SYTL2: variants seen among roughly 807,000 people sequenced by gnomAD.
SYTL2 encodes the protein synaptotagmin like 2.
A neutral mutation model predicts 198.7 loss-of-function variants in SYTL2; 165 were observed. The observed-to-expected ratio is 0.83, with a 90% confidence interval of 0.73 to 0.94. SYTL2 has a LOEUF of 0.94. SYTL2 is among the 40% of genes least tolerant of loss of function. SYTL2 has a pLI of 0.00. For missense variants in SYTL2, 2,835 were observed against 2,582.8 expected, an observed-to-expected ratio of 1.10 and a Z score of -2.12; for synonymous variants, 966 against 917.7, an observed-to-expected ratio of 1.05 and a Z score of -0.95.
chr11:85,731,353 C>T (rs990860341), intron 7 of SYTL2, among the ~76,000 whole-genome samples: 1 of 152,158 alleles, frequency 6.6e-6, no homozygotes, highest in Non-Finnish European at 1.5e-5. Context: ...GCTACCATAA[C>T]CAAAACTGCA....
intron 6 of SYTL2, 47 bp from the exon 7 acceptor site, chr11:85,734,789 T>A: frequency 7.3e-7 from 1 of 1,365,544 alleles, no homozygotes; most frequent in Non-Finnish European, 1.0e-6. Flanking sequence ...GAGAGTAATA[T>A]ATAATTTAAA....
At chr11:85,781,795 TAGGTCATGCTG>T (rs1476469423) in intron 1 of SYTL2, among the ~76,000 whole-genome samples, 1 of 152,178 alleles carries the variant, frequency 6.6e-6, no homozygotes, top group East Asian at 1.9e-4. Flanking sequence ...GTCTCATATC[TAGGTCATGCTG>T]ATGCAAAAGG....
chr11:85,833,645 A>T, the SYTL2 span, among the ~76,000 whole-genome samples: 1 of 151,542 alleles, frequency 6.6e-6, no homozygotes, highest in South Asian at 2.1e-4. Context: ...ATATCCTTCA[A>T]AGTGGTTCTG....
chr11:85,810,334 T>C (rs563642254), intron 1 of SYTL2, among the ~76,000 whole-genome samples: 6 of 152,134 alleles, frequency 3.9e-5, no homozygotes, highest in African/African-American at 1.4e-4. Flanking sequence ...GCAGGATGGG[T>C]GCAGAGAAAG....
In SYTL2 at chr11:85,727,078, G is replaced by T. The variant is rs1402577255; in HGVS notation, c.2280C>A (p.Asn760Lys). ...CAGGCTTCTTCCAAGGAGAGCCATT[G>T]TTGGCAACCCCAGGTGTTGACTTAA... ...ENIKSTPGVANNGSPWKKPEV... is the reference protein window; with the variant it reads ...ENIKSTPGVAKNGSPWKKPEV... Residue 760 changes from asparagine to lysine, a missense_variant, in exon 8 of 20, where the codon AAC becomes AAA. By Grantham distance (94) the Asn-to-Lys change is moderately conservative (BLOSUM62 0). This residue lies in a region of SYTL2 where 2,645 missense variants were observed against 2,381.7 expected (regional missense o/e 1.11). Transcript: ENST00000359152. The T allele has an allele frequency of 6.5e-7, 1 of 1,536,054 alleles. No individual in the cohort carries two copies. The highest frequency in any genetic ancestry group is 2.0e-5 in the Admixed American group (1 of 50,940).
At chr11:85,765,233 A>G in intron 1 of SYTL2, among the ~76,000 whole-genome samples, 1 of 152,222 alleles carries the variant, frequency 6.6e-6, no homozygotes, top group East Asian at 1.9e-4. Flanking sequence ...AAGCTATCCA[A>G]CAATAGGTTG....
At chr11:85,701,573 T>TA (rs2084303658) in intron 16 of SYTL2, among the ~76,000 whole-genome samples, 1 of 152,224 alleles carries the variant, frequency 6.6e-6, no homozygotes, top group African/African-American at 2.4e-5. Context: ...GGTAGCCAGT[T>TA]AAAAATGAGA....
At position 85,727,772 on chromosome 11, in the gene SYTL2, C is replaced by G; in HGVS notation, c.1586G>C (p.Ser529Thr). Residue 529 changes from serine to threonine, a missense_variant, in exon 8 of 20, where the codon AGT (serine) becomes ACT (threonine). By Grantham distance (58) the Ser-to-Thr change is moderately conservative (BLOSUM62 1). Transcript: ENST00000359152. ...TGACTTATTGTCATCTGAATAAGAACTTCGGTTAAACCAGTCTAGAACTTT... is the reference window on the plus strand; with the variant it reads ...TGACTTATTGTCATCTGAATAAGAAGTTCGGTTAAACCAGTCTAGAACTTT... ...IFKVLDWFNR[S>T]SYSDDNKSFL... 1 of 1,574,346 alleles carries G rather than the reference C, an allele frequency of 6.4e-7. No homozygotes were observed. Among genetic ancestry groups the G allele is most frequent in the Non-Finnish European group, 8.6e-7 (1 of 1,159,212 alleles).
At chr11:85,815,119 C>G (rs1424365831), upstream of SYTL2, among the ~76,000 whole-genome samples, 1 of 152,204 alleles carries the variant, frequency 6.6e-6, no homozygotes, top group African/African-American at 2.4e-5. Flanking sequence ...ACAATAGGCA[C>G]TAAATAAATG....
At chr11:85,772,219 A>G (rs1341635556) in intron 1 of SYTL2, among the ~76,000 whole-genome samples, 2 of 152,210 alleles carry the variant, frequency 1.3e-5, no homozygotes, top group Non-Finnish European at 2.9e-5. Flanking sequence ...ACATAGCATG[A>G]TCTCTAAGCA....
At chr11:85,730,055 T>G (rs2089635221) in intron 7 of SYTL2, among the ~76,000 whole-genome samples, 1 of 152,098 alleles carries the variant, frequency 6.6e-6, no homozygotes, top group Admixed American at 6.6e-5. Flanking sequence ...AGACGTTGAA[T>G]CCCTGAATAG....
At chr11:85,774,531 C>T (rs900249277) in intron 1 of SYTL2, among the ~76,000 whole-genome samples, 19 of 152,142 alleles carry the variant, frequency 1.2e-4, no homozygotes, top group African/African-American at 4.6e-4. Flanking sequence ...TCCCTCAAAC[C>T]CCTACACACC....
rs2084005528 is a variant in SYTL2, at chr11:85,699,949, T to C, written c.6268+566A>G. Among the ~76,000 whole-genome samples, 3 of 152,172 alleles carry C rather than the reference T, an allele frequency of 2.0e-5. No individual in the cohort carries two copies. In the South Asian group the frequency reaches 6.2e-4, roughly 32 times the overall value. ...CTGGAGTCCTCTTAATTCCCACCTG[T>C]GAAAAAGAACACTCAGGTTCTATTC... On this transcript the variant is annotated intron_variant, in intron 17 of 19. Coordinates refer to ENST00000359152, the MANE Select transcript of SYTL2 (RefSeq NM_206927.4).
Position 85,725,696 on chromosome 11 carries a change from G to T in SYTL2, c.3662C>A (p.Thr1221Asn), listed in dbSNP as rs1312562520. ...TTGCAAGGGAGAGGGTGAAGTTCCA[G>T]TTGCTTCCTTCAGGAGTTTGTCTAG... ...ASLDKLLKEA[T>N]GTSPSPLQAK... Residue 1221 changes from threonine to asparagine, a missense_variant, in exon 8 of 20, where the codon ACT (threonine) becomes AAT (asparagine). Transcript: ENST00000359152. 5.6e-6 allele frequency: 9 copies of T among 1,613,924 alleles called. No homozygotes were observed. The highest frequency in any genetic ancestry group is 1.7e-5 in the Admixed American group (1 of 59,988).
Position 85,727,421 on chromosome 11 carries a change from T to C in SYTL2, c.1937A>G (p.Asn646Ser). The change falls in exon 8 of 20, where the codon AAT (asparagine) becomes AGT (serine). Residue 646 changes from asparagine (N) to serine (S), a missense_variant. Physicochemically the swap from Asn to Ser is conservative, Grantham distance 46. Transcript: ENST00000359152. ...SYGTPSQGSKNMDYSQDSKSP... is the reference protein window; with the variant it reads ...SYGTPSQGSKSMDYSQDSKSP... ...TTTTGAATCTTGGCTATAGTCCATATTTTTACTCCCTTGACTTGGGGTGCC... is the reference window on the plus strand; with the variant it reads ...TTTTGAATCTTGGCTATAGTCCATACTTTTACTCCCTTGACTTGGGGTGCC... 1.3e-6 allele frequency: 2 copies of C among 1,536,368 alleles called. No individual in the cohort carries two copies. The highest frequency in any genetic ancestry group is 2.7e-5 in the African/African-American group (2 of 73,172).
At position 85,745,860 on chromosome 11, in the gene SYTL2, G is replaced by T. The variant is rs1464902752; in HGVS notation, c.254-88C>A. ...TATCAGCTCTTATCACTGAAGCCTT[G>T]AACCTGAACCTCAGGCCTTCCCAGT... On this transcript the variant is annotated intron_variant, in intron 3 of 19. Transcript: ENST00000359152. 4 of 1,383,608 alleles carry T rather than the reference G, an allele frequency of 2.9e-6. No homozygotes were observed. In the East Asian group the frequency reaches 7.0e-5, roughly 24 times the overall value. 85.7% of individuals were successfully genotyped at this position (1,383,608 alleles called of 1,614,324 possible). A position where few individuals can be genotyped will look rare whatever the true frequency, so the allele number is the denominator to read the frequency against.
intron 7 of SYTL2, 140 bp downstream of exon 7, chr11:85,733,799 C>T (rs1419878653): frequency 1.5e-6 from 1 of 663,880 alleles, no homozygotes; most frequent in African/African-American, 1.8e-5. Context: ...CGGGGTTTCA[C>T]CTTGTTAGCC....
In SYTL2 at chr11:85,727,844, C is replaced by A. The variant is rs555430561; in HGVS notation, c.1514G>T (p.Gly505Val). ...CTTCTTTATCTCAGTGGCATATGGA[C>A]CAGAACGTGAAGATGTCTTAGCTTT... The part of the protein sequence containing the change: ...ALKAKTSSRS[G>V]PYATEIKKST... Residue 505 changes from glycine (G) to valine (V), a missense_variant, in exon 8 of 20, where the codon GGT (glycine) becomes GTT (valine). By Grantham distance (109) the Gly-to-Val change is moderately radical. This residue lies in a region of SYTL2 where 2,645 missense variants were observed against 2,381.7 expected (regional missense o/e 1.11). Coordinates refer to ENST00000359152, the MANE Select transcript of SYTL2 (RefSeq NM_206927.4). The A allele has an allele frequency of 1.2e-6, 2 of 1,611,902 alleles. No individual in the cohort carries two copies. The highest frequency in any genetic ancestry group is 1.3e-5 in the African/African-American group (1 of 74,728).
intron 7 of SYTL2, chr11:85,733,695 G>A (rs906112227): frequency 9.1e-6 from 3 of 331,106 alleles, no homozygotes; most frequent in African/African-American, 6.8e-5. Flanking sequence ...CGCTTCCCGG[G>A]TTCACGCCAT....
Sources: gnomAD v4.1 joint callset for allele counts (sites outside exome capture counted in the v4.1 genomes callset) on GRCh38, gnomAD v4.1.1 for gene constraint, gnomAD v4.1.1 regional missense constraint, MANE v1.5 for transcripts, NCBI Gene and HGNC (gene_info 2026-07-23, HGNC 2026-07-21) for gene names.